WDR33: variants seen among roughly 807,000 people sequenced by gnomAD.
The protein encoded by WDR33 is pre-mRNA 3' end processing protein WDR33.
In WDR33, 47 loss-of-function variants were observed where a neutral mutation model predicts 164.9. The observed-to-expected ratio is 0.29, with a 90% confidence interval of 0.23 to 0.36. The LOEUF (loss-of-function observed/expected upper bound fraction) is 0.36, where lower values mean the gene tolerates loss of function less well. Ranked by LOEUF, WDR33 falls within the 10% of genes least tolerant of loss-of-function variation. WDR33 has a pLI of 1.00. For missense variants in WDR33, 1,137 were observed against 1,754.1 expected (o/e 0.65, Z 6.28); for synonymous variants, 505 against 589.0 (o/e 0.86, Z 2.06).
intron 1 of WDR33, among the ~76,000 whole-genome samples, chr2:127,786,844 C>CTTTTTT (rs71307273): frequency 2.4e-4 from 27 of 111,834 alleles, no homozygotes; most frequent in Middle Eastern, 5.6e-3. Flanking sequence ...CCTTTCTGTT[C>CTTTTTT]TTTTTTTTTT....
chr2:127,707,242 AAAAG>A (rs1360091562), intron 21 of WDR33, among the ~76,000 whole-genome samples: 3 of 151,600 alleles, frequency 2.0e-5, no homozygotes, highest in Non-Finnish European at 4.4e-5. Flanking sequence ...AAAAAAAAAA[AAAAG>A]AAAAAAAAGA....
chr2:127,759,858 C>G (rs1345234774), intron 7 of WDR33, among the ~76,000 whole-genome samples: 1 of 152,056 alleles, frequency 6.6e-6, no homozygotes, highest in Non-Finnish European at 1.5e-5. Context: ...CTGGGCAACA[C>G]AGGGAGAGCC....
chr2:127,798,230 T>C (rs1689108776), intron 1 of WDR33, among the ~76,000 whole-genome samples: 1 of 151,310 alleles, frequency 6.6e-6, no homozygotes, highest in East Asian at 1.9e-4. Flanking sequence ...TAGCCGGGCA[T>C]GGTGGCACAT....
Position 127,719,256 on chromosome 2 carries a change from G to C in WDR33, c.2760+9C>G. On this transcript the variant is annotated intron_variant, in intron 16 of 21. Coordinates refer to ENST00000322313, the MANE Select transcript of WDR33 (RefSeq NM_018383.5). This position sits in a 1 kb window ranked among gnomAD's most constrained non-coding sequence, Gnocchi z 6.5. ...CCCAATGTGCCCGTGAGTTGGAAAT[G>C]AATAATACCTGGTTGAAGGGGGCCC... is the stretch of plus-strand genomic sequence containing the variant. 7.0e-7 allele frequency: 1 copy of C among 1,420,180 alleles called. No homozygotes were observed. 88.0% of individuals were successfully genotyped at this position (1,420,180 alleles called of 1,614,324 possible).
intron 7 of WDR33, among the ~76,000 whole-genome samples, chr2:127,727,042 T>A (rs1201463452): frequency 2.0e-5 from 3 of 152,116 alleles, no homozygotes; most frequent in Non-Finnish European, 4.4e-5. Flanking sequence ...CAGTCGAGGC[T>A]TTTGGAGGCT....
chr2:127,805,577 T>A (rs1689407834), intron 1 of WDR33, among the ~76,000 whole-genome samples: 1 of 151,380 alleles, frequency 6.6e-6, no homozygotes, highest in African/African-American at 2.5e-5. Context: ...TAGCTGTTTG[T>A]GGTGACAGAG....
Position 127,709,962 on chromosome 2 carries a change from T to C in WDR33, c.3309-106A>G, listed in dbSNP as rs576955407. ...ATGAGAAAGCATGATACAATGTTAA[T>C]TGGGAGGAAAACAAAATAAAACTAT... On this transcript the variant is annotated intron_variant, in intron 18 of 21. Transcript: ENST00000322313. The surrounding 1 kb of genome is among the most constrained non-coding windows in gnomAD (Gnocchi z 5.0). 8.7e-6 allele frequency: 12 copies of C among 1,383,154 alleles called. No homozygotes were observed. The East Asian group carries it at 9.2e-5, about 11-fold the overall frequency. 85.7% of individuals were successfully genotyped at this position (1,383,154 alleles called of 1,614,324 possible). A position where few individuals can be genotyped will look rare whatever the true frequency, so the allele number is the denominator to read the frequency against.
intron 7 of WDR33, chr2:127,762,621 T>C (rs1687710471): frequency 3.0e-6 from 3 of 988,034 alleles, no homozygotes; most frequent in Non-Finnish European, 3.6e-6. Flanking sequence ...AAAAACCAAC[T>C]GCTTTCAAAA....
chr2:127,729,404 CTG>C (rs1399328685), intron 7 of WDR33, among the ~76,000 whole-genome samples: 1 of 152,124 alleles, frequency 6.6e-6, no homozygotes, highest in Admixed American at 6.6e-5. Flanking sequence ...AAAAACAAAA[CTG>C]TGTCACTTCC....
intron 1 of WDR33, among the ~76,000 whole-genome samples, chr2:127,782,867 G>T (rs1302317529): frequency 6.6e-6 from 1 of 152,132 alleles, no homozygotes; most frequent in Non-Finnish European, 1.5e-5. Flanking sequence ...AAATTAGCCA[G>T]GTGTGGTGGC....
At chr2:127,785,853 C>T (rs1297802401) in intron 1 of WDR33, among the ~76,000 whole-genome samples, 2 of 152,134 alleles carry the variant, frequency 1.3e-5, no homozygotes, top group Non-Finnish European at 2.9e-5. Context: ...GTTGCTAGAT[C>T]ACATGATAAG....
intron 1 of WDR33, among the ~76,000 whole-genome samples, chr2:127,787,409 G>T (rs1688620917): frequency 7.9e-6 from 1 of 126,140 alleles, no homozygotes; most frequent in African/African-American, 3.6e-5. Flanking sequence ...GGGCAGAGGG[G>T]CTCCTCACTT....
At chr2:127,742,156 T>C (rs922230846) in intron 7 of WDR33, among the ~76,000 whole-genome samples, 1 of 151,908 alleles carries the variant, frequency 6.6e-6, no homozygotes, top group Non-Finnish European at 1.5e-5. Context: ...GAGGTTGCAG[T>C]GAGCTGAGAT....
At chr2:127,727,055 AC>A (rs1686588463) in intron 7 of WDR33, among the ~76,000 whole-genome samples, 1 of 151,898 alleles carries the variant, frequency 6.6e-6, no homozygotes, top group South Asian at 2.1e-4. Context: ...TGGAGGCTGC[AC>A]CCCTCAAGAC....
In WDR33 at chr2:127,738,000, G is replaced by A. The variant is rs372652956; in HGVS notation, c.725-11223C>T. Reference sequence around the variant, plus strand: ...GCTCCCTAAACTTTGTCCACCTACTGTTATTCACCTCTTGACAGAAAGGAA... The same window carrying A: ...GCTCCCTAAACTTTGTCCACCTACTATTATTCACCTCTTGACAGAAAGGAA... On this transcript the variant is annotated intron_variant, in intron 7 of 21. Transcript: ENST00000322313. 8.1e-6 allele frequency: 13 copies of A among 1,612,506 alleles called. No homozygotes were observed. In the East Asian group the frequency reaches 1.8e-4, roughly 22 times the overall value.
At position 127,723,199 on chromosome 2, in the gene WDR33, C is replaced by T. The variant is rs540188600; in HGVS notation, c.1291+54G>A. The T allele has an allele frequency of 3.3e-6, 5 of 1,530,550 alleles. No homozygotes were observed. The highest frequency in any genetic ancestry group is 1.4e-5 in the African/African-American group (1 of 72,626). The allele number at this position is 1,530,550 out of a possible 1,614,324, so 94.8% of individuals were successfully genotyped here. A position where few individuals can be genotyped will look rare whatever the true frequency, so the allele number is the denominator to read the frequency against. ...TGTATAATCTTCCCAACATCTAACACTTCTGTAATAGAATACCAGATTTCA... is the reference window on the plus strand; with the variant it reads ...TGTATAATCTTCCCAACATCTAACATTTCTGTAATAGAATACCAGATTTCA... On this transcript the variant is annotated intron_variant, in intron 12 of 21. Transcript: ENST00000322313. The surrounding 1 kb of genome is among the most constrained non-coding windows in gnomAD (Gnocchi z 5.9).
At chr2:127,771,910 G>A (rs1417216679) in intron 1 of WDR33, among the ~76,000 whole-genome samples, 1 of 152,132 alleles carries the variant, frequency 6.6e-6, no homozygotes, top group Non-Finnish European at 1.5e-5. Context: ...GCTTGAGGCA[G>A]GGTGTGTATG....
rs1481289258 is a variant in WDR33 at position 127,708,852 on chromosome 2, A to G, written c.3606T>C (p.Asp1202=). ...GGGAATGACCGTCGTGAGGGGGATG[A>G]TCAGGGCGGGGAGTATCACGAAAAT... The part of the protein sequence containing the change: ...HEHFRDTPRP[D]HPPHDGHSPA... Residue 1202 remains aspartate (D), a synonymous_variant, in exon 21 of 22, where the codon GAT becomes GAC. Transcript: ENST00000322313. This position sits in a 1 kb window ranked among gnomAD's most constrained non-coding sequence, Gnocchi z 6.7. 3.7e-6 allele frequency: 6 copies of G among 1,608,630 alleles called. No homozygotes were observed. In the South Asian group the frequency reaches 6.6e-5, roughly 18 times the overall value.
At position 127,710,486 on chromosome 2, in the gene WDR33, G is replaced by T. The variant is rs1686132141; in HGVS notation, c.3309-630C>A. On this transcript the variant is annotated intron_variant, in intron 18 of 21. Transcript: ENST00000322313. The surrounding 1 kb of genome is among the most constrained non-coding windows in gnomAD (Gnocchi z 4.4). ...TCCATGACCACGAGTGGCACTCATG[G>T]CCCGAGTCCACAGCTGATGGGCACA... Among the ~76,000 whole-genome samples the T allele has an allele frequency of 6.6e-6, 1 of 152,064 alleles. No homozygotes were observed. The highest frequency in any genetic ancestry group is 6.6e-5 in the Admixed American group (1 of 15,258).
Sources: gnomAD v4.1 joint callset for allele counts (sites outside exome capture counted in the v4.1 genomes callset) on GRCh38, gnomAD v4.1.1 for gene constraint, Gnocchi (gnomAD v3.1) non-coding constraint, MANE v1.5 for transcripts, NCBI Gene and HGNC (gene_info 2026-07-23, HGNC 2026-07-21) for gene names.